WDR59: variants seen among roughly 807,000 people sequenced by gnomAD.
WDR59 encodes GATOR2 complex protein WDR59.
In WDR59, 100 loss-of-function variants were observed where a neutral mutation model predicts 131.2. The ratio of observed to expected loss-of-function variants is 0.76; its 90% CI spans 0.65 to 0.90. WDR59 has a LOEUF of 0.90. WDR59 is among the 40% of genes least tolerant of loss of function. The pLI is 0.00. For synonymous variants in WDR59, 601 were observed against 466.2 expected (o/e 1.29, Z -3.72); for missense variants, 1,203 against 1,262.2 (o/e 0.95, Z 0.71).
chr16:74,879,128 G>T (rs567024984), intron 25 of WDR59, among the ~76,000 whole-genome samples: 2 of 152,266 alleles, frequency 1.3e-5, no homozygotes, highest in South Asian at 4.2e-4. Flanking sequence ...CGAGGTGGGG[G>T]TATCGCTTGA....
chr16:74,974,564 G>A (rs1376490246), intron 1 of WDR59, among the ~76,000 whole-genome samples: 6 of 152,130 alleles, frequency 3.9e-5, no homozygotes, highest in Non-Finnish European at 8.8e-5. Flanking sequence ...TGCAAGGGTG[G>A]CTCTTGGCTG....
At chr16:74,885,625 A>G in intron 25 of WDR59, 28 bp downstream of exon 25, 1 of 1,611,374 alleles carries the variant, frequency 6.2e-7, no homozygotes, top group Non-Finnish European at 8.5e-7. Context: ...TCAGACAGTG[A>G]AAGGAAGAGA....
chr16:74,967,271 G>A (rs1325758567), intron 1 of WDR59, among the ~76,000 whole-genome samples: 4 of 152,172 alleles, frequency 2.6e-5, no homozygotes, highest in Admixed American at 2.0e-4. Flanking sequence ...GGAGCAGAGC[G>A]AAGCCCAGAA....
intron 2 of WDR59, chr16:74,962,819 T>C (rs550564622): frequency 2.0e-5 from 3 of 152,042 alleles, no homozygotes; most frequent in Admixed American, 2.0e-4. Context: ...TTATTTCTCT[T>C]GCCTGATTGC....
At chr16:74,918,458 T>C (rs1386179998) in intron 10 of WDR59, among the ~76,000 whole-genome samples, 1 of 152,248 alleles carries the variant, frequency 6.6e-6, no homozygotes, top group African/African-American at 2.4e-5. Context: ...GAGCTGGAGA[T>C]GAACATATTT....
chr16:74,883,490 C>T (rs78808329), intron 25 of WDR59, among the ~76,000 whole-genome samples: 2,296 of 152,304 alleles, frequency 0.015, 42 homozygotes, highest in African/African-American at 0.05. Flanking sequence ...CCAAATGTTA[C>T]TGCCAACATT....
In WDR59 at chr16:74,934,954, C is replaced by T. The variant is rs144053393; in HGVS notation, c.651+3196G>A. Among the ~76,000 whole-genome samples, 163 of 151,668 alleles carry T rather than the reference C, an allele frequency of 1.1e-3. 1 individual carries two copies. The highest frequency in any genetic ancestry group is 3.8e-3 in the African/African-American group (157 of 41,288). ...CCAGAATGTAGCAAGGGTGGTCGGG[C>T]ATGGTGGCTCATGCCTATAATCCCA... On this transcript the variant is annotated intron_variant, in intron 8 of 25. Coordinates refer to ENST00000262144, the MANE Select transcript of WDR59 (RefSeq NM_030581.4).
chr16:74,977,035 C>T (rs980274685), intron 1 of WDR59, among the ~76,000 whole-genome samples: 6 of 151,970 alleles, frequency 3.9e-5, no homozygotes, highest in African/African-American at 1.5e-4. Flanking sequence ...AAAGCATAAT[C>T]CATAAATTTA....
chr16:74,980,784 CA>C (rs1460125511), intron 1 of WDR59, among the ~76,000 whole-genome samples: 8 of 151,084 alleles, frequency 5.3e-5, no homozygotes, highest in Non-Finnish European at 1.0e-4. Context: ...CCAGCCTGGC[CA>C]ACATGACGAA....
At chr16:74,911,899 T>C (rs973443878) in intron 14 of WDR59, 19 of 522,516 alleles carry the variant, frequency 3.6e-5, no homozygotes, top group Admixed American at 3.4e-4. Context: ...AATTCACATA[T>C]TTACAGGCAA....
chr16:74,911,110 C>T (rs1466756179), intron 14 of WDR59, among the ~76,000 whole-genome samples: 2 of 152,288 alleles, frequency 1.3e-5, no homozygotes, highest in East Asian at 1.9e-4. Flanking sequence ...GTGATCCACC[C>T]GCCTCAGCCT....
Position 74,908,985 on chromosome 16 carries a change from A to G in WDR59, c.1643-8T>C, listed in dbSNP as rs772762601. 4.3e-6 allele frequency: 7 copies of G among 1,612,766 alleles called. No homozygotes were observed. In the South Asian group the frequency reaches 7.7e-5, roughly 18 times the overall value. Reference sequence around the variant, plus strand: ...TGAAATATACCAGGTAACCTAAAGGAGGAGACATCACATGAGCCATCAGTG... The same window carrying G: ...TGAAATATACCAGGTAACCTAAAGGGGGAGACATCACATGAGCCATCAGTG... On this transcript the variant is annotated splice_region_variant and splice_polypyrimidine_tract_variant and intron_variant, in intron 16 of 25. Transcript: ENST00000262144.
chr16:74,947,953 C>T (rs890925257), intron 6 of WDR59, among the ~76,000 whole-genome samples: 2 of 152,034 alleles, frequency 1.3e-5, no homozygotes, highest in Non-Finnish European at 2.9e-5. Flanking sequence ...GCCTGTAATC[C>T]CAGCTACTTG....
Position 74,908,889 on chromosome 16 carries a change from C to A in WDR59, c.1712+19G>T. 6.2e-7 allele frequency: 1 copy of A among 1,612,012 alleles called. No homozygotes were observed. The highest frequency in any genetic ancestry group is 8.5e-7 in the Non-Finnish European group (1 of 1,178,800). The stretch of plus-strand genomic sequence containing the variant: ...TGGCCCCGGGAACGTAGAGCGGCTT[C>A]TGCATCTCCCTGACTCACCTCGGAG... On this transcript the variant is annotated intron_variant, in intron 17 of 25. Transcript: ENST00000262144.
chr16:74,957,733 T>C (rs1419550338), intron 2 of WDR59, among the ~76,000 whole-genome samples: 2 of 152,194 alleles, frequency 1.3e-5, no homozygotes, highest in Admixed American at 6.5e-5. Context: ...CCATCAGCTA[T>C]TGATTCTTTG....
intron 25 of WDR59, among the ~76,000 whole-genome samples, chr16:74,879,294 C>G (rs571594804): frequency 6.6e-6 from 1 of 152,064 alleles, no homozygotes; most frequent in African/African-American, 2.4e-5. Flanking sequence ...CAGGTCGAGG[C>G]TGCAGTGAGC....
At chr16:74,981,660 AT>A (rs1181233727) in intron 1 of WDR59, among the ~76,000 whole-genome samples, 10 of 80,860 alleles carry the variant, frequency 1.2e-4, no homozygotes, top group African/African-American at 7.4e-4. Flanking sequence ...ATATATATAT[AT>A]TTTTTTTTTT....
At chr16:74,901,238 A>G (rs1038740078) in intron 18 of WDR59, among the ~76,000 whole-genome samples, 2 of 151,862 alleles carry the variant, frequency 1.3e-5, no homozygotes, top group African/African-American at 4.8e-5. Flanking sequence ...GCAAGACCTC[A>G]TCTCTACAAA....
At chr16:74,953,426 T>C (rs1174622784) in intron 3 of WDR59, among the ~76,000 whole-genome samples, 1 of 143,752 alleles carries the variant, frequency 7.0e-6, no homozygotes, top group Admixed American at 7.3e-5. Context: ...TGAACTGAGA[T>C]GGCGCCACTG....
Sources: allele counts gnomAD v4.1 joint callset (sites outside exome capture counted in the v4.1 genomes callset), GRCh38; gene constraint gnomAD v4.1.1; transcripts MANE v1.5; gene names NCBI Gene and HGNC (gene_info 2026-07-23, HGNC 2026-07-21).